The following GHR variants were observed in gnomAD, a reference collection of about 807,000 sequenced individuals.
GHR encodes the protein growth hormone receptor, also known as GH receptor.
A neutral mutation model predicts 67.1 loss-of-function variants in GHR; 35 were observed. That is an observed-to-expected ratio of 0.52 (90% CI 0.40 to 0.69). The LOEUF is 0.69. Among genes scored for constraint, GHR ranks in the 30% least tolerant of loss-of-function variants. The pLI is 0.00. For synonymous variants in GHR, 272 were observed against 269.1 expected, an observed-to-expected ratio of 1.01 and a Z score of -0.10; for missense variants, 792 against 764.6, an observed-to-expected ratio of 1.04 and a Z score of -0.42.
chr5:42,513,614 C>A (rs913451272), intron 1 of GHR, among the ~76,000 whole-genome samples: 1 of 152,124 alleles, frequency 6.6e-6, no homozygotes, highest in Non-Finnish European at 1.5e-5. Flanking sequence ...GAAACCTTGT[C>A]GCTACTGAAA....
intron 1 of GHR, among the ~76,000 whole-genome samples, chr5:42,484,858 TCA>T (rs1468497032): frequency 1.1e-4 from 16 of 152,214 alleles, no homozygotes; most frequent in Non-Finnish European, 2.9e-5. Context: ...GCAATATTTT[TCA>T]CAGAGGCAGT....
chr5:42,586,952 TGTTGAGA>T (rs1315867424), intron 2 of GHR, among the ~76,000 whole-genome samples: 1 of 152,054 alleles, frequency 6.6e-6, no homozygotes, highest in Non-Finnish European at 1.5e-5. Flanking sequence ...AATATTGAGC[TGTTGAGA>T]GTTGTTCAAT....
At chr5:42,448,563 T>A (rs1743913337) in intron 1 of GHR, among the ~76,000 whole-genome samples, 1 of 135,296 alleles carries the variant, frequency 7.4e-6, no homozygotes. Flanking sequence ...ATCGGTGGGT[T>A]ATCTGTTTAC....
chr5:42,614,143 T>C (rs1753022035), intron 2 of GHR, among the ~76,000 whole-genome samples: 1 of 152,116 alleles, frequency 6.6e-6, no homozygotes, highest in Non-Finnish European at 1.5e-5. Context: ...ATAACCATGC[T>C]TTGTTCCCTC....
chr5:42,510,860 T>A (rs892902756), intron 1 of GHR, among the ~76,000 whole-genome samples: 3 of 152,224 alleles, frequency 2.0e-5, no homozygotes, highest in Admixed American at 2.0e-4. Flanking sequence ...CACCTCTGGG[T>A]GCAGGCGCTC....
At chr5:42,494,641 A>C (rs1467284208) in intron 1 of GHR, among the ~76,000 whole-genome samples, 1 of 152,142 alleles carries the variant, frequency 6.6e-6, no homozygotes, top group Admixed American at 6.5e-5. Flanking sequence ...CTTCAAGCCC[A>C]GATTAGCACG....
At chr5:42,529,876 C>T (rs1308931974) in intron 1 of GHR, among the ~76,000 whole-genome samples, 1 of 152,054 alleles carries the variant, frequency 6.6e-6, no homozygotes, top group Non-Finnish European at 1.5e-5. Context: ...ATTTATTACA[C>T]TGGCCCTATC....
rs5867597 is a variant in GHR, at chr5:42,693,142, CTT to C, written c.267-1763_267-1762del. ...GAATCTCTCATTCAAGCATATGCAACTTTTTTTTTTTTTGAGATGGAGTCTTG... is the reference window on the plus strand; with the variant it reads ...GAATCTCTCATTCAAGCATATGCAACTTTTTTTTTTTGAGATGGAGTCTTG... On this transcript the variant is annotated intron_variant, in intron 4 of 9. Coordinates refer to ENST00000230882, the MANE Select transcript of GHR (RefSeq NM_000163.5). Among the ~76,000 whole-genome samples the C allele has an allele frequency of 1.4e-3, 209 of 147,434 alleles. 3 individuals carry two copies. The highest frequency in any genetic ancestry group is 6.4e-3 in the East Asian group (32 of 5,026).
intron 1 of GHR, among the ~76,000 whole-genome samples, chr5:42,464,428 A>G (rs1427500567): frequency 6.6e-6 from 1 of 150,578 alleles, no homozygotes; most frequent in African/African-American, 2.4e-5. Flanking sequence ...AGAAACACAT[A>G]CATGCAATGC....
At chr5:42,566,108 T>C (rs538194703) in intron 2 of GHR, among the ~76,000 whole-genome samples, 164 bp downstream of exon 2, 1 of 152,348 alleles carries the variant, frequency 6.6e-6, no homozygotes, top group East Asian at 1.9e-4. Context: ...AGTAGGACTT[T>C]TCTGTGGATG....
intron 1 of GHR, among the ~76,000 whole-genome samples, chr5:42,501,635 T>C (rs1746544165): frequency 6.6e-6 from 1 of 152,188 alleles, no homozygotes; most frequent in African/African-American, 2.4e-5. Context: ...ACCCACTAGA[T>C]GCTAGTGACT....
intron 1 of GHR, among the ~76,000 whole-genome samples, chr5:42,506,857 CA>C: frequency 6.6e-6 from 1 of 152,162 alleles, no homozygotes; most frequent in Non-Finnish European, 1.5e-5. Context: ...TACAAGAAAA[CA>C]AGGATGTGGT....
intron 3 of GHR, chr5:42,647,640 A>T (rs1561195160): frequency 4.5e-6 from 2 of 444,480 alleles, no homozygotes; most frequent in Non-Finnish European, 9.0e-6. Flanking sequence ...CTTTAATTTC[A>T]TTTACTTCTA....
At chr5:42,510,600 A>T (rs1746970497) in intron 1 of GHR, among the ~76,000 whole-genome samples, 1 of 152,220 alleles carries the variant, frequency 6.6e-6, no homozygotes, top group South Asian at 2.1e-4. Context: ...TGTAGCAATA[A>T]CCAAAGCAAT....
At chr5:42,676,124 A>C (rs1260851891) in intron 3 of GHR, among the ~76,000 whole-genome samples, 1 of 152,132 alleles carries the variant, frequency 6.6e-6, no homozygotes, top group African/African-American at 2.4e-5. Context: ...GTCTCTACTA[A>C]AAATACAAAA....
chr5:42,516,230 G>A (rs1224134363), intron 1 of GHR, among the ~76,000 whole-genome samples: 3 of 152,234 alleles, frequency 2.0e-5, no homozygotes, highest in East Asian at 1.9e-4. Flanking sequence ...CACCTTTAAA[G>A]CAGTTAATTG....
intron 1 of GHR, among the ~76,000 whole-genome samples, chr5:42,458,681 G>T (rs1476529678): frequency 3.3e-5 from 5 of 152,040 alleles, no homozygotes; most frequent in Middle Eastern, 3.2e-3. Context: ...CACAGCAAAA[G>T]AACTATCAAC....
intron 6 of GHR, among the ~76,000 whole-genome samples, chr5:42,701,237 G>A (rs1411799795): frequency 6.6e-6 from 1 of 152,150 alleles, no homozygotes; most frequent in African/African-American, 2.4e-5. Context: ...ATGAAGCAAG[G>A]CAGTAGGATC....
In GHR at chr5:42,611,340, A is replaced by G. The variant is rs373363580; in HGVS notation, c.71-17698A>G. ...TTAGAGTCTTCCACAGTCTAGTCCCAACCACTTTTTCCAACCTTAATTACC... is the reference window on the plus strand; with the variant it reads ...TTAGAGTCTTCCACAGTCTAGTCCCGACCACTTTTTCCAACCTTAATTACC... On this transcript the variant is annotated intron_variant, in intron 2 of 9. Coordinates refer to ENST00000230882, the MANE Select transcript of GHR (RefSeq NM_000163.5). 7.9e-5 allele frequency among the ~76,000 whole-genome samples: 12 copies of G among 151,508 alleles called. No individual in the cohort carries two copies. In the East Asian group the frequency reaches 1.5e-3, roughly 20 times the overall value.
Sources: allele counts gnomAD v4.1 joint callset (sites outside exome capture counted in the v4.1 genomes callset), GRCh38; gene constraint gnomAD v4.1.1; transcripts MANE v1.5; gene names NCBI Gene and HGNC (gene_info 2026-07-23, HGNC 2026-07-21).